WWOX: variants seen among roughly 807,000 people sequenced by gnomAD.
The protein encoded by WWOX is WW domain-containing oxidoreductase.
Under a neutral mutation model 46.2 loss-of-function variants are expected in WWOX, and 69 were observed. The observed-to-expected ratio is 1.49, with a 90% CI of 1.23 to 1.82. The LOEUF is 1.82. Ranked by LOEUF, WWOX falls within the 40% of genes most tolerant of loss-of-function variation. WWOX has a pLI of 0.00. For missense variants in WWOX, 919 were observed against 542.6 expected (o/e 1.69, Z -6.89); for synonymous variants, 359 against 202.6 (o/e 1.77, Z -6.56).
chr16:79,174,986 C>T (rs752206921), intron 8 of WWOX, among the ~76,000 whole-genome samples: 1 of 152,126 alleles, frequency 6.6e-6, no homozygotes, highest in Non-Finnish European at 1.5e-5. Flanking sequence ...TATCAACATG[C>T]ACGCGTTCTC....
chr16:78,718,577 C>T (rs1260555731), intron 8 of WWOX, among the ~76,000 whole-genome samples: 1 of 151,828 alleles, frequency 6.6e-6, no homozygotes, highest in Admixed American at 6.6e-5. Context: ...ATGGGTGGTC[C>T]ATGCCTCTAA....
At chr16:78,824,903 C>T (rs928580514) in intron 8 of WWOX, among the ~76,000 whole-genome samples, 15 of 152,240 alleles carry the variant, frequency 9.9e-5, no homozygotes, top group African/African-American at 3.1e-4. Context: ...ACACACCTTT[C>T]CTTTGGGAGC....
At chr16:78,266,056 A>G (rs1436349948) in intron 5 of WWOX, 1 of 152,238 alleles carries the variant, frequency 6.6e-6, no homozygotes, top group Non-Finnish European at 1.5e-5. Context: ...GTCTCACACT[A>G]AAGGTGAAAC....
chr16:79,210,524 G>T (rs1286411959), intron 8 of WWOX, among the ~76,000 whole-genome samples: 1 of 152,074 alleles, frequency 6.6e-6, no homozygotes, highest in African/African-American at 2.4e-5. Context: ...TTGTGGGGGC[G>T]AGCTTATCTT....
chr16:78,446,636 G>A (rs2083566656), intron 8 of WWOX, among the ~76,000 whole-genome samples: 1 of 148,858 alleles, frequency 6.7e-6, no homozygotes, highest in African/African-American at 2.5e-5. Context: ...GGTGAACATC[G>A]AGTATAGTAC....
chr16:78,424,935 G>C lies in WWOX; in HGVS notation c.671G>C (p.Gly224Ala). The change falls in exon 7 of 9, where the codon GGC (glycine) becomes GCC (alanine). Residue 224 changes from glycine to alanine, a missense_variant. Physicochemically the swap from Gly to Ala is moderately conservative, Grantham distance 60. Transcript: ENST00000566780. ...FALPWSLTKD[G>A]LETTFQVNHL... ...CTACCCTGGAGTCTCACCAAAGATG[G>C]CCTGGAGACCACCTTTCAAGTGAAT... The C allele has an allele frequency of 6.2e-7, 1 of 1,614,134 alleles. No homozygotes were observed. Among genetic ancestry groups the C allele is most frequent in the Non-Finnish European group, 8.5e-7 (1 of 1,180,026 alleles).
chr16:78,114,820 C>T (rs1180584386), intron 3 of WWOX, among the ~76,000 whole-genome samples, 156 bp from the exon 4 acceptor site: 1 of 152,030 alleles, frequency 6.6e-6, no homozygotes, highest in East Asian at 1.9e-4. Context: ...CTTCTGGAGG[C>T]CAGAAGATAG....
chr16:78,873,337 A>G (rs2044167253), intron 8 of WWOX: 1 of 152,186 alleles, frequency 6.6e-6, no homozygotes, highest in Non-Finnish European at 1.5e-5. Context: ...ATTATCAGAG[A>G]TCTGGTCATC....
intron 8 of WWOX, among the ~76,000 whole-genome samples, chr16:78,463,101 G>T (rs959103917): frequency 1.9e-4 from 29 of 152,112 alleles, no homozygotes; most frequent in African/African-American, 7.0e-4. Context: ...TGTCAGATCC[G>T]TATCCCACTG....
At chr16:78,899,812 G>C (rs1456866308) in intron 8 of WWOX, among the ~76,000 whole-genome samples, 1 of 152,162 alleles carries the variant, frequency 6.6e-6, no homozygotes, top group East Asian at 1.9e-4. Context: ...TTGTAGCTTG[G>C]AAAACTAGCG....
chr16:78,602,879 C>G (rs1227276412), intron 8 of WWOX, among the ~76,000 whole-genome samples: 1 of 152,104 alleles, frequency 6.6e-6, no homozygotes, highest in South Asian at 2.1e-4. Flanking sequence ...TTTTGCCAAT[C>G]CTGAGACTTG....
intron 8 of WWOX, chr16:78,825,747 TC>T: frequency 3.4e-6 from 2 of 585,578 alleles, no homozygotes; most frequent in South Asian, 1.7e-5. Context: ...GGCCTGATGA[TC>T]CCCAGCGGAG....
intron 8 of WWOX, among the ~76,000 whole-genome samples, chr16:78,739,006 C>T (rs1207727951): frequency 6.6e-6 from 1 of 152,138 alleles, no homozygotes; most frequent in Non-Finnish European, 1.5e-5. Flanking sequence ...GGATAGAATT[C>T]AACAACTAGA....
chr16:78,340,017 T>TGG lies in WWOX; in HGVS notation c.517-46831_517-46830dup, dbSNP rs753232185. Among the ~76,000 whole-genome samples the TGG allele has an allele frequency of 2.8e-3, 19 of 6,786 alleles. 1 individual carries two copies. Among genetic ancestry groups the TGG allele is most frequent in the Admixed American group, 4.7e-3 (2 of 422 alleles). 4.5% of individuals were successfully genotyped at this position (6,786 alleles called of 152,430 possible). A position where few individuals can be genotyped will look rare whatever the true frequency, so the allele number is the denominator to read the frequency against. ...TCTTCTAGTCTTTCCATGGATTTGG[T>TGG]GGGGGGGGGGGGGACGTTTCTATTT... On this transcript the variant is annotated intron_variant, in intron 5 of 8. Transcript: ENST00000566780.
At chr16:78,920,234 T>G (rs1333326548) in intron 8 of WWOX, among the ~76,000 whole-genome samples, 2 of 152,154 alleles carry the variant, frequency 1.3e-5, no homozygotes, top group Non-Finnish European at 2.9e-5. Flanking sequence ...TTCTTAAAGT[T>G]TCTTCCAGGA....
intron 8 of WWOX, among the ~76,000 whole-genome samples, chr16:78,614,486 A>G (rs1233446681): frequency 1.3e-5 from 2 of 152,218 alleles, no homozygotes; most frequent in East Asian, 3.9e-4. Flanking sequence ...GCCAGCCCAG[A>G]TCCACCCTGT....
intron 8 of WWOX, among the ~76,000 whole-genome samples, chr16:79,162,701 C>A (rs12443788): frequency 3.3e-5 from 5 of 152,050 alleles, no homozygotes; most frequent in South Asian, 2.1e-4. Flanking sequence ...TGTTCACCGC[C>A]TTCCTGAGTC....
chr16:78,596,160 C>T (rs750733286), intron 8 of WWOX, among the ~76,000 whole-genome samples: 6 of 151,796 alleles, frequency 4.0e-5, no homozygotes, highest in African/African-American at 1.5e-4. Flanking sequence ...AAACAAAATA[C>T]GATATTATCT....
intron 8 of WWOX, among the ~76,000 whole-genome samples, chr16:78,499,763 A>G (rs1311381706): frequency 6.6e-6 from 1 of 152,226 alleles, no homozygotes; most frequent in African/African-American, 2.4e-5. Flanking sequence ...GCCTCTGTCA[A>G]ATACATCCGT....
Sources: allele counts gnomAD v4.1 joint callset (sites outside exome capture counted in the v4.1 genomes callset), GRCh38; gene constraint gnomAD v4.1.1; transcripts MANE v1.5; gene names NCBI Gene and HGNC (gene_info 2026-07-23, HGNC 2026-07-21).